Variants in MBD5 observed in about 807,000 individuals in gnomAD.
The protein encoded by MBD5 is methyl-CpG-binding domain protein 5.
Under a neutral mutation model 117.3 loss-of-function variants are expected in MBD5, and 13 were observed. The ratio of observed to expected loss-of-function variants is 0.11; its 90% CI spans 0.07 to 0.18. The LOEUF (loss-of-function observed/expected upper bound fraction) is 0.18. MBD5 is among the 10% of genes least tolerant of loss of function. The pLI is 1.00. For synonymous variants in MBD5, 727 were observed against 766.4 expected, an observed-to-expected ratio of 0.95 and a Z score of 0.85; for missense variants, 1,879 against 2,093.8, an observed-to-expected ratio of 0.90 and a Z score of 2.00.
intron 4 of MBD5, among the ~76,000 whole-genome samples, chr2:148,449,195 G>T (rs1339825600): frequency 6.6e-6 from 1 of 152,054 alleles, no homozygotes; most frequent in East Asian, 1.9e-4. Flanking sequence ...TTGAGAGCTG[G>T]TAATTGTTCA....
intron 2 of MBD5, among the ~76,000 whole-genome samples, chr2:148,222,674 G>C (rs545802316): frequency 6.6e-6 from 1 of 151,874 alleles, no homozygotes; most frequent in African/African-American, 2.4e-5. Flanking sequence ...GTGTGTGTTT[G>C]GGGTCTTTAC....
At chr2:148,427,653 G>T (rs1355685081) in intron 4 of MBD5, among the ~76,000 whole-genome samples, 1 of 152,018 alleles carries the variant, frequency 6.6e-6, no homozygotes. Context: ...ATGGGGGCAG[G>T]GGGGAGGGAT....
chr2:148,073,635 A>G (rs1695418081), intron 1 of MBD5, among the ~76,000 whole-genome samples: 1 of 152,214 alleles, frequency 6.6e-6, no homozygotes, highest in Admixed American at 6.5e-5. Flanking sequence ...ACATACACTT[A>G]ATGTGCTAGA....
At chr2:148,135,508 G>A (rs10497028) in intron 1 of MBD5, among the ~76,000 whole-genome samples, 12,783 of 152,024 alleles carry the variant, frequency 0.084, 607 homozygotes, top group South Asian at 0.14. Flanking sequence ...TCATTCTTTT[G>A]TATTGCTTGT....
intron 3 of MBD5, among the ~76,000 whole-genome samples, chr2:148,269,790 A>G (rs1196486094): frequency 1.4e-4 from 21 of 147,662 alleles, no homozygotes; most frequent in African/African-American, 2.0e-4. Context: ...TTTTTCCTCT[A>G]TATTTCCCTA....
At chr2:148,318,962 A>G (rs1324096384) in intron 3 of MBD5, among the ~76,000 whole-genome samples, 2 of 152,036 alleles carry the variant, frequency 1.3e-5, no homozygotes, top group Non-Finnish European at 2.9e-5. Context: ...GTGATCTGCT[A>G]GTCTCGGCCT....
chr2:148,227,931 G>A (rs1336936705), intron 2 of MBD5, among the ~76,000 whole-genome samples: 1 of 152,170 alleles, frequency 6.6e-6, no homozygotes, highest in Non-Finnish European at 1.5e-5. Context: ...TGGTGTATAA[G>A]AATGCTTGTG....
chr2:148,388,635 C>T (rs1045112311), intron 4 of MBD5, among the ~76,000 whole-genome samples: 1 of 152,130 alleles, frequency 6.6e-6, no homozygotes, highest in Non-Finnish European at 1.5e-5. Context: ...GGTTGGAAGT[C>T]CAGAATCAAG....
At chr2:148,097,491 A>G (rs1179890853) in intron 1 of MBD5, among the ~76,000 whole-genome samples, 1 of 152,142 alleles carries the variant, frequency 6.6e-6, no homozygotes, top group East Asian at 1.9e-4. Context: ...CACACAAGTT[A>G]TTTGTTTTTC....
intron 4 of MBD5, among the ~76,000 whole-genome samples, chr2:148,442,569 GAGAA>G (rs949447564): frequency 1.3e-5 from 2 of 151,232 alleles, no homozygotes; most frequent in African/African-American, 2.5e-5. Context: ...TTAATTACCA[GAGAA>G]AGAAAGATAA....
intron 2 of MBD5, among the ~76,000 whole-genome samples, chr2:148,181,446 C>G (rs1698533721): frequency 6.6e-6 from 1 of 152,104 alleles, no homozygotes; most frequent in Non-Finnish European, 1.5e-5. Flanking sequence ...CAGATGCGTC[C>G]CCACATAAAT....
intron 3 of MBD5, among the ~76,000 whole-genome samples, chr2:148,281,174 A>G (rs1028208973): frequency 2.0e-4 from 31 of 152,126 alleles, no homozygotes; most frequent in African/African-American, 6.8e-4. Flanking sequence ...AAACATTCTT[A>G]TCTGCTATGC....
chr2:148,330,547 G>A (rs1702618206), intron 3 of MBD5: 1 of 152,092 alleles, frequency 6.6e-6, no homozygotes, highest in Non-Finnish European at 1.5e-5. Flanking sequence ...TACAAATCCT[G>A]CTATAGATTT....
rs145944469 is a variant in MBD5, at chr2:148,440,559, A to G, written c.-556-17644A>G. The stretch of plus-strand genomic sequence containing the variant: ...ATTATTAAGAAGAACTTTTCTATCT[A>G]TGGTTATATTTTAGGAGAGTAAAAA... On this transcript the variant is annotated intron_variant, in intron 4 of 13. Coordinates refer to ENST00000642680, the MANE Select transcript of MBD5 (RefSeq NM_001378120.1). 1.4e-3 allele frequency among the ~76,000 whole-genome samples: 211 copies of G among 151,460 alleles called. 1 individual carries two copies. Among genetic ancestry groups the G allele is most frequent in the African/African-American group, 4.9e-3 (201 of 41,340 alleles).
chr2:148,231,264 C>G (rs1041646157), intron 2 of MBD5, among the ~76,000 whole-genome samples: 2 of 152,114 alleles, frequency 1.3e-5, no homozygotes, highest in African/African-American at 4.8e-5. Context: ...GCTAAACAGG[C>G]CTGGTTAAAA....
intron 1 of MBD5, among the ~76,000 whole-genome samples, chr2:148,058,084 T>C (rs954478903): frequency 2.6e-5 from 4 of 152,054 alleles, no homozygotes; most frequent in African/African-American, 9.6e-5. Flanking sequence ...ACTGTTTTTA[T>C]AGTGCTGTTT....
intron 1 of MBD5, among the ~76,000 whole-genome samples, chr2:148,067,789 C>A (rs1053685492): frequency 2.6e-5 from 4 of 152,168 alleles, no homozygotes; most frequent in Non-Finnish European, 5.9e-5. Flanking sequence ...AACTCTTAAC[C>A]AGTGCTATAA....
chr2:148,245,511 G>A (rs187881399), intron 3 of MBD5, among the ~76,000 whole-genome samples: 14 of 152,196 alleles, frequency 9.2e-5, no homozygotes, highest in African/African-American at 3.4e-4. Context: ...GTGGGAAGAT[G>A]GGTTGAGCCC....
At chr2:148,345,013 A>T (rs1206628130) in intron 4 of MBD5, among the ~76,000 whole-genome samples, 1 of 151,860 alleles carries the variant, frequency 6.6e-6, no homozygotes, top group Non-Finnish European at 1.5e-5. Context: ...TATATGTCCT[A>T]GTGTATAGTA....
Sources: allele counts gnomAD v4.1 joint callset (sites outside exome capture counted in the v4.1 genomes callset), GRCh38; gene constraint gnomAD v4.1.1; transcripts MANE v1.5; gene names NCBI Gene and HGNC (gene_info 2026-07-23, HGNC 2026-07-21).